SIRT5: variants seen among roughly 807,000 people sequenced by gnomAD.
SIRT5 encodes NAD-dependent protein deacylase sirtuin-5, mitochondrial.
A neutral mutation model predicts 40.0 loss-of-function variants in SIRT5; 26 were observed. That is an observed-to-expected ratio of 0.65 (90% CI 0.48 to 0.90). The LOEUF is 0.90. Among genes scored for constraint, SIRT5 ranks in the 40% least tolerant of loss-of-function variants. SIRT5 has a pLI of 0.00. For missense variants in SIRT5, 401 were observed against 402.4 expected (o/e 1.00, Z 0.03); for synonymous variants, 146 against 149.1 (o/e 0.98, Z 0.15).
At chr6:13,592,942 G>T (rs572718946) in intron 5 of SIRT5, among the ~76,000 whole-genome samples, 1 of 148,336 alleles carries the variant, frequency 6.7e-6, no homozygotes, top group Non-Finnish European at 1.5e-5. Context: ...AGCAATGGGG[G>T]TTTCACTCTT....
intron 1 of SIRT5, among the ~76,000 whole-genome samples, chr6:13,576,415 G>A (rs1344822538): frequency 6.6e-6 from 1 of 152,130 alleles, no homozygotes; most frequent in African/African-American, 2.4e-5. Flanking sequence ...AAAGTTGAGC[G>A]TTTTTCATGT....
intron 9 of SIRT5, among the ~76,000 whole-genome samples, chr6:13,605,898 C>T (rs888086191): frequency 2.6e-5 from 4 of 152,208 alleles, no homozygotes; most frequent in Non-Finnish European, 4.4e-5. Flanking sequence ...ATGTTGTGCC[C>T]TGTTGATCTT....
At chr6:13,580,454 C>T (rs1169234765) in intron 2 of SIRT5, among the ~76,000 whole-genome samples, 4 of 152,134 alleles carry the variant, frequency 2.6e-5, no homozygotes, top group Non-Finnish European at 5.9e-5. Context: ...CCCTTACTCC[C>T]CCGACCCCTG....
chr6:13,597,831 C>T, intron 7 of SIRT5, among the ~76,000 whole-genome samples: 1 of 152,150 alleles, frequency 6.6e-6, no homozygotes, highest in Non-Finnish European at 1.5e-5. Context: ...CAGGCGTGAA[C>T]CACTGCACCC....
Position 13,607,049 on chromosome 6 carries a change from G to A in SIRT5, c.858-4741G>A, listed in dbSNP as rs1430064994. On this transcript the variant is annotated intron_variant, in intron 9 of 9. Transcript: ENST00000606117. This position sits in a 1 kb window ranked among gnomAD's most constrained non-coding sequence, Gnocchi z 4.0. The stretch of plus-strand genomic sequence containing the variant: ...TTTGAGTAGGGATCTGCTGATTGGA[G>A]CTCACCTTTCTTGTCGTATCCATAA... 6.6e-6 allele frequency among the ~76,000 whole-genome samples: 1 copy of A among 151,144 alleles called. No individual in the cohort carries two copies. The highest frequency in any genetic ancestry group is 1.5e-5 in the Non-Finnish European group (1 of 67,856).
intron 9 of SIRT5, among the ~76,000 whole-genome samples, chr6:13,610,099 T>G (rs545368089): frequency 6.6e-6 from 1 of 152,288 alleles, no homozygotes; most frequent in South Asian, 2.1e-4. Context: ...CCGGAGTTGC[T>G]GGGACTACAA....
chr6:13,604,060 G>T (rs1762772789), intron 9 of SIRT5, among the ~76,000 whole-genome samples: 1 of 152,214 alleles, frequency 6.6e-6, no homozygotes, highest in Non-Finnish European at 1.5e-5. Flanking sequence ...TTGGGAGTGG[G>T]TGCTAATGAG....
At position 13,599,075 on chromosome 6, in the gene SIRT5, G is replaced by T. The variant is rs150816932; in HGVS notation, c.661G>T (p.Val221Leu). The T allele has an allele frequency of 3.1e-6, 5 of 1,613,964 alleles. No individual in the cohort carries two copies. The African/African-American group carries it at 5.3e-5, about 17-fold the overall frequency. ...GCGGLLRPHV[V>L]WFGENLDPAI... ...CGGGGGCTTGCTGCGACCTCACGTC[G>T]TGTGGTTTGGAGAAAACCTGGATCC... Residue 221 changes from valine (V) to leucine (L), a missense_variant, in exon 8 of 10, where the codon GTG (valine) becomes TTG (leucine). Physicochemically the swap from Val to Leu is conservative, Grantham distance 32. Transcript: ENST00000606117.
chr6:13,578,809 C>T (rs1457480884), intron 1 of SIRT5, among the ~76,000 whole-genome samples: 1 of 151,744 alleles, frequency 6.6e-6, no homozygotes, highest in Non-Finnish European at 1.5e-5. Flanking sequence ...AGAGAACATA[C>T]AGGCTTTTAA....
intron 5 of SIRT5, among the ~76,000 whole-genome samples, chr6:13,594,629 C>T (rs1761346031): frequency 1.3e-5 from 2 of 152,226 alleles, no homozygotes; most frequent in East Asian, 1.9e-4. Flanking sequence ...GGGGGCCGTG[C>T]GCAGCATGTG....
intron 2 of SIRT5, among the ~76,000 whole-genome samples, chr6:13,581,171 C>T (rs901634853): frequency 1.3e-5 from 2 of 152,192 alleles, no homozygotes; most frequent in African/African-American, 4.8e-5. Flanking sequence ...AATTTACAGG[C>T]TTCATTCAAA....
At chr6:13,585,739 A>G (rs918413770) in intron 3 of SIRT5, among the ~76,000 whole-genome samples, 4 of 152,144 alleles carry the variant, frequency 2.6e-5, no homozygotes, top group Admixed American at 2.6e-4. Context: ...ATGATTTATA[A>G]TCCTTTGGGT....
At chr6:13,585,506 C>T (rs573932001) in intron 3 of SIRT5, among the ~76,000 whole-genome samples, 3 of 151,314 alleles carry the variant, frequency 2.0e-5, no homozygotes, top group Non-Finnish European at 4.4e-5. Context: ...GGTTTTCTGT[C>T]CTTGCGATAG....
At chr6:13,577,387 G>A (rs560550150) in intron 1 of SIRT5, among the ~76,000 whole-genome samples, 1 of 151,908 alleles carries the variant, frequency 6.6e-6, no homozygotes, top group African/African-American at 2.4e-5. Flanking sequence ...ACCTGAAGTG[G>A]TTTTTTCTTT....
chr6:13,583,267 CTTCTTTTTTTTCTTCTTTGTTCTTTT>C (rs1291164570), intron 2 of SIRT5, among the ~76,000 whole-genome samples: 2 of 136,220 alleles, frequency 1.5e-5, no homozygotes, highest in African/African-American at 2.7e-5. Context: ...GTTTTCATAC[CTTCTTTTTTTTCTTCTTTGTTCTTTT>C]TTTTTTTTTT....
chr6:13,577,014 C>T (rs4712041), intron 1 of SIRT5, among the ~76,000 whole-genome samples: 12,721 of 152,102 alleles, frequency 0.084, 722 homozygotes, highest in Middle Eastern at 0.14. Flanking sequence ...GTTGATGTGC[C>T]GATTTTTATG....
intron 3 of SIRT5, among the ~76,000 whole-genome samples, chr6:13,586,456 A>G (rs1308568473): frequency 3.3e-5 from 5 of 152,184 alleles, no homozygotes; most frequent in Non-Finnish European, 7.4e-5. Context: ...TCAGCTTTCT[A>G]CATATGGCTA....
At chr6:13,598,603 G>A (rs1761928784) in intron 7 of SIRT5, among the ~76,000 whole-genome samples, 1 of 152,138 alleles carries the variant, frequency 6.6e-6, no homozygotes, top group South Asian at 2.1e-4. Context: ...GCCGAGGAGG[G>A]CAGATCACCT....
chr6:13,603,252 G>A (rs1374023132), intron 9 of SIRT5, among the ~76,000 whole-genome samples: 1 of 148,404 alleles, frequency 6.7e-6, no homozygotes, highest in Non-Finnish European at 1.5e-5. Context: ...ACTCCAGCCT[G>A]GGCGACAGAG....
Sources: gnomAD v4.1 joint callset for allele counts (sites outside exome capture counted in the v4.1 genomes callset) on GRCh38, gnomAD v4.1.1 for gene constraint, Gnocchi (gnomAD v3.1) non-coding constraint, MANE v1.5 for transcripts, NCBI Gene and HGNC (gene_info 2026-07-23, HGNC 2026-07-21) for gene names.